The following LTAP1 variants were observed in gnomAD, a reference collection of about 807,000 sequenced individuals.
The protein encoded by LTAP1 is lipid transport auxiliary protein 1.
the LTAP1 span, among the ~76,000 whole-genome samples, chr1:154,208,962 GGT>G: frequency 6.6e-6 from 1 of 152,128 alleles, no homozygotes; most frequent in Non-Finnish European, 1.5e-5. Flanking sequence ...TGGCCAGGCT[GGT>G]CTTGAACTCC....
chr1:154,219,282 G>A, the LTAP1 span, among the ~76,000 whole-genome samples: 33 of 152,294 alleles, frequency 2.2e-4, no homozygotes, highest in Non-Finnish European at 2.5e-4. Flanking sequence ...TTCATCTGTA[G>A]CTAAAGCCAA....
At chr1:154,215,102 C>T in the LTAP1 span, among the ~76,000 whole-genome samples, 1 of 152,020 alleles carries the variant, frequency 6.6e-6, no homozygotes. Flanking sequence ...GCCTTGGCCT[C>T]CCAAAGTGCT....
At chr1:154,218,869 C>T in the LTAP1 span, among the ~76,000 whole-genome samples, 111 of 152,198 alleles carry the variant, frequency 7.3e-4, no homozygotes, top group Non-Finnish European at 1.2e-3. Context: ...ATCAGGGTAC[C>T]ATGTGAAAAT....
the LTAP1 span, chr1:154,212,584 T>C: frequency 6.2e-7 from 1 of 1,614,096 alleles, no homozygotes; most frequent in South Asian, 1.1e-5. Context: ...TCTTGCCCAT[T>C]AAGGAACGGG....
the LTAP1 span, among the ~76,000 whole-genome samples, chr1:154,216,252 A>C: frequency 1.6e-3 from 244 of 152,280 alleles, no homozygotes; most frequent in African/African-American, 5.6e-3. Flanking sequence ...TGTCACCCTA[A>C]AAAAGATGCT....
chr1:154,208,029 A>G, the LTAP1 span, among the ~76,000 whole-genome samples: 1 of 151,936 alleles, frequency 6.6e-6, no homozygotes, highest in South Asian at 2.1e-4. Context: ...TGAACCCAGG[A>G]GGCAGAGGTT....
At chr1:154,213,858 G>A in the LTAP1 span, 1 of 1,590,344 alleles carries the variant, frequency 6.3e-7, no homozygotes, top group Non-Finnish European at 8.6e-7. Context: ...TGGGCTTTCA[G>A]GATCCTAGAA....
chr1:154,218,225 G>A, the LTAP1 span, among the ~76,000 whole-genome samples: 1 of 152,232 alleles, frequency 6.6e-6, no homozygotes, highest in Non-Finnish European at 1.5e-5. Context: ...TATGGTAGGA[G>A]AGAAACTGTT....
the LTAP1 span, among the ~76,000 whole-genome samples, chr1:154,216,563 T>C: frequency 6.6e-6 from 1 of 151,982 alleles, no homozygotes; most frequent in Non-Finnish European, 1.5e-5. Context: ...TGGAGTACAG[T>C]GGCATGATCT....
the LTAP1 span, chr1:154,212,491 C>T: frequency 6.2e-7 from 1 of 1,614,028 alleles, no homozygotes; most frequent in Non-Finnish European, 8.5e-7. Flanking sequence ...CATAGCCATC[C>T]AAAAGGGTAT....
chr1:154,210,070 C>T, the LTAP1 span, among the ~76,000 whole-genome samples: 1 of 151,948 alleles, frequency 6.6e-6, no homozygotes, highest in Non-Finnish European at 1.5e-5. Flanking sequence ...TCGAGACAGA[C>T]TCTTGCTCTG....
the LTAP1 span, among the ~76,000 whole-genome samples, chr1:154,218,007 G>A: frequency 1.3e-5 from 2 of 152,078 alleles, no homozygotes; most frequent in Non-Finnish European, 2.9e-5. Flanking sequence ...ATAGCTCACT[G>A]CAGTCTGTAA....
the LTAP1 span, chr1:154,212,754 T>C: frequency 5.2e-6 from 5 of 958,890 alleles, no homozygotes; most frequent in African/African-American, 8.2e-5. Flanking sequence ...CTCCACCTCC[T>C]AGGTTTGAGC....
chr1:154,208,637 G>GTT, the LTAP1 span: 1 of 152,056 alleles, frequency 6.6e-6, no homozygotes, highest in South Asian at 2.1e-4. Flanking sequence ...GCTTGTATGA[G>GTT]GTCACAAAAC....
At chr1:154,215,188 A>C in the LTAP1 span, among the ~76,000 whole-genome samples, 1 of 151,990 alleles carries the variant, frequency 6.6e-6, no homozygotes, top group Non-Finnish European at 1.5e-5. Context: ...ACAGGTATGC[A>C]CCTAGCTAGA....
At chr1:154,212,153 G>T in the LTAP1 span, 1 of 768,944 alleles carries the variant, frequency 1.3e-6, no homozygotes, top group Middle Eastern at 3.9e-4. Flanking sequence ...CACTGTGCCC[G>T]GCCGCATCTG....
chr1:154,217,948 T>C, the LTAP1 span, among the ~76,000 whole-genome samples: 1 of 152,126 alleles, frequency 6.6e-6, no homozygotes, highest in Non-Finnish European at 1.5e-5. Context: ...ACCTATTTTT[T>C]AGAAACAAGG....
At chr1:154,215,410 C>T in the LTAP1 span, among the ~76,000 whole-genome samples, 14 of 151,762 alleles carry the variant, frequency 9.2e-5, no homozygotes, top group African/African-American at 3.1e-4. Flanking sequence ...ACTAAAAATA[C>T]AAAAAATTAG....
the LTAP1 span, among the ~76,000 whole-genome samples, chr1:154,211,572 T>C: frequency 6.6e-6 from 1 of 151,284 alleles, no homozygotes; most frequent in East Asian, 2.0e-4. Context: ...CTTGACCTCA[T>C]GATTCGCCTG....
Sources: gnomAD v4.1 joint callset for allele counts (sites outside exome capture counted in the v4.1 genomes callset) on GRCh38, gnomAD v4.1.1 for gene constraint, MANE v1.5 for transcripts, NCBI Gene and HGNC (gene_info 2026-07-23, HGNC 2026-07-21) for gene names.